TDRP: variants seen among roughly 807,000 people sequenced by gnomAD.
TDRP encodes the protein testis development related protein, also known as testis development-related protein.
Under a neutral mutation model 10.5 loss-of-function variants are expected in TDRP, and 12 were observed. That is an observed-to-expected ratio of 1.15 (90% CI 0.73 to 1.86). TDRP has a LOEUF of 1.86. Among genes scored for constraint, TDRP ranks in the 40% most tolerant of loss-of-function variants. The probability of loss-of-function intolerance (pLI) is 0.00; values close to 1 mark genes in which losing one functional copy is unlikely to be tolerated. For synonymous variants in TDRP, 139 were observed against 95.4 expected, an observed-to-expected ratio of 1.46 and a Z score of -2.67; for missense variants, 353 against 229.2, an observed-to-expected ratio of 1.54 and a Z score of -3.49.
chr8:540,434 A>G (rs1404502970), intron 1 of TDRP, among the ~76,000 whole-genome samples: 1 of 152,230 alleles, frequency 6.6e-6, no homozygotes, highest in African/African-American at 2.4e-5. Flanking sequence ...CAGATATACA[A>G]AAGAGCTTAA....
rs988483504 is a variant in TDRP at position 490,245 on chromosome 8, A to T, written c.*2154T>A. ...TATATTAAAAACCACAGTTAATTTA[A>T]TCAGGCACAGAAGAAAAAATCATTT... On this transcript the variant is annotated 3_prime_UTR_variant, in exon 3 of 3. Transcript: ENST00000324079. The T allele has an allele frequency of 3.3e-5, 5 of 152,264 alleles. No individual in the cohort carries two copies. The highest frequency in any genetic ancestry group is 6.5e-5 in the Admixed American group (1 of 15,292). The allele number at this position is 152,264 out of a possible 1,614,324, so 9.4% of individuals were successfully genotyped here.
intron 1 of TDRP, among the ~76,000 whole-genome samples, chr8:534,179 AT>A (rs1802283465): frequency 6.6e-6 from 1 of 152,250 alleles, no homozygotes; most frequent in Non-Finnish European, 1.5e-5. Context: ...AACACAAATT[AT>A]TTACAAGGTT....
chr8:493,752 T>G (rs1300988627), intron 2 of TDRP, among the ~76,000 whole-genome samples: 5 of 149,106 alleles, frequency 3.4e-5, no homozygotes, highest in African/African-American at 1.2e-4. Flanking sequence ...CTTTGTATTT[T>G]TAACAGTGTT....
chr8:519,399 T>C (rs1193988070), intron 1 of TDRP, among the ~76,000 whole-genome samples: 2 of 152,160 alleles, frequency 1.3e-5, no homozygotes, highest in East Asian at 1.9e-4. Context: ...ACCCCCACTT[T>C]AGAGTCAGCT....
chr8:491,442 G>A lies in TDRP; in HGVS notation c.*957C>T, dbSNP rs990962131. ...GTAAGCAGACAGAAAAAGAACGCGAGAGATGCTCTCAAACCGGTCGTCGAT... is the reference window on the plus strand; with the variant it reads ...GTAAGCAGACAGAAAAAGAACGCGAAAGATGCTCTCAAACCGGTCGTCGAT... On this transcript the variant is annotated 3_prime_UTR_variant, in exon 3 of 3. Coordinates refer to ENST00000324079, the MANE Select transcript of TDRP (RefSeq NM_001384899.1). 2 of 571,434 alleles carry A rather than the reference G, an allele frequency of 3.5e-6. No homozygotes were observed. Among genetic ancestry groups the A allele is most frequent in the Non-Finnish European group, 2.8e-6 (1 of 354,794 alleles). The allele number at this position is 571,434 out of a possible 1,614,324, so 35.4% of individuals were successfully genotyped here. A position where few individuals can be genotyped will look rare whatever the true frequency, so the allele number is the denominator to read the frequency against.
In TDRP at chr8:491,249, A is replaced by G. The variant is rs1180876285; in HGVS notation, c.*1150T>C. The G allele has an allele frequency of 2.3e-5, 4 of 172,476 alleles. No homozygotes were observed. The highest frequency in any genetic ancestry group is 9.4e-5 in the African/African-American group (4 of 42,478). 10.7% of individuals were successfully genotyped at this position (172,476 alleles called of 1,614,324 possible). A position where few individuals can be genotyped will look rare whatever the true frequency, so the allele number is the denominator to read the frequency against. ...TTGTTTTTACGTGAGGGGAATGCAC[A>G]GTGTAACTGGAGGTTTTATTTTACT... On this transcript the variant is annotated 3_prime_UTR_variant, in exon 3 of 3. Transcript: ENST00000324079.
In TDRP at chr8:518,941, G is replaced by A. The variant is rs117825735; in HGVS notation, c.109-24344C>T. ...AAAGTATTGGAATTTACTGCCTTTC[G>A]TACACTAATGAGATGACTGACAGGA... On this transcript the variant is annotated intron_variant, in intron 1 of 2. Transcript: ENST00000324079. Among the ~76,000 whole-genome samples, 773 of 152,200 alleles carry A rather than the reference G, an allele frequency of 5.1e-3. 2 individuals carry two copies. Among genetic ancestry groups the A allele is most frequent in the Non-Finnish European group, 9.1e-3 (621 of 68,008 alleles).
intron 1 of TDRP, among the ~76,000 whole-genome samples, chr8:517,750 T>C (rs936702728): frequency 6.6e-6 from 1 of 152,240 alleles, no homozygotes; most frequent in Non-Finnish European, 1.5e-5. Flanking sequence ...CCTGAGGCTA[T>C]ACAGCAAAAT....
intron 1 of TDRP, among the ~76,000 whole-genome samples, chr8:528,835 GT>G (rs1563129755): frequency 6.7e-6 from 1 of 149,872 alleles, no homozygotes; most frequent in Non-Finnish European, 1.5e-5. Context: ...GTGTATATAT[GT>G]GTGTGTATAT....
chr8:527,964 G>T (rs1254324440), intron 1 of TDRP, among the ~76,000 whole-genome samples: 1 of 152,018 alleles, frequency 6.6e-6, no homozygotes, highest in Non-Finnish European at 1.5e-5. Flanking sequence ...TCAACAAATG[G>T]AAAGGCAACA....
upstream of TDRP, chr8:545,632 C>T (rs1005839945): frequency 1.3e-5 from 2 of 152,110 alleles, no homozygotes; most frequent in African/African-American, 4.8e-5. Context: ...TTCAGGGCAT[C>T]CCTCGGGGCC....
At position 490,182 on chromosome 8, in the gene TDRP, A is replaced by G. The variant is rs1361686719; in HGVS notation, c.*2217T>C. On this transcript the variant is annotated 3_prime_UTR_variant, in exon 3 of 3. Coordinates refer to ENST00000324079, the MANE Select transcript of TDRP (RefSeq NM_001384899.1). ...TTTGCTTTGATAACTTCTTTCAAGA[A>G]AAGATAATTTTTCTCCCAAAGCACA... is the stretch of plus-strand genomic sequence containing the variant. 1 of 152,218 alleles carries G rather than the reference A, an allele frequency of 6.6e-6. No homozygotes were observed. Among genetic ancestry groups the G allele is most frequent in the African/African-American group, 2.4e-5 (1 of 41,446 alleles). The allele number at this position is 152,218 out of a possible 1,614,324, so 9.4% of individuals were successfully genotyped here.
chr8:516,986 C>T (rs1266394729), intron 1 of TDRP, among the ~76,000 whole-genome samples: 2 of 152,144 alleles, frequency 1.3e-5, no homozygotes, highest in Non-Finnish European at 2.9e-5. Flanking sequence ...TATAAACCAA[C>T]TAAAATTCTA....
At chr8:497,881 T>C (rs369003787) in intron 1 of TDRP, among the ~76,000 whole-genome samples, 9 of 152,314 alleles carry the variant, frequency 5.9e-5, no homozygotes, top group African/African-American at 1.7e-4. Context: ...GGCCAAGGTA[T>C]AGCTCCAGCC....
intron 1 of TDRP, among the ~76,000 whole-genome samples, chr8:532,238 T>G (rs115329660): frequency 3.3e-5 from 5 of 152,190 alleles, no homozygotes; most frequent in African/African-American, 1.2e-4. Context: ...TGCTCACATG[T>G]GGTGGCCAGC....
rs547656463 is a variant in TDRP at position 509,755 on chromosome 8, C to G, written c.109-15158G>C. Among the ~76,000 whole-genome samples, 18 of 152,326 alleles carry G rather than the reference C, an allele frequency of 1.2e-4. No individual in the cohort carries two copies. The East Asian group carries it at 2.9e-3, about 24-fold the overall frequency. ...CCTTGCTACTTAACGCAAATTTCTG[C>G]AGCTGGCTTGAATTTCTCCCCCAAA... On this transcript the variant is annotated intron_variant, in intron 1 of 2. Transcript: ENST00000324079.
At chr8:533,304 G>T (rs1288656488) in intron 1 of TDRP, among the ~76,000 whole-genome samples, 1 of 152,140 alleles carries the variant, frequency 6.6e-6, no homozygotes, top group Admixed American at 6.5e-5. Flanking sequence ...CACGTCCATC[G>T]CAGCCTCATT....
At chr8:504,245 T>G (rs552391079) in intron 1 of TDRP, among the ~76,000 whole-genome samples, 1 of 152,194 alleles carries the variant, frequency 6.6e-6, no homozygotes, top group South Asian at 2.1e-4. Context: ...AACATATCTT[T>G]TAAAAACAAA....
chr8:528,931 T>A (rs1255324250), intron 1 of TDRP, among the ~76,000 whole-genome samples: 5 of 152,144 alleles, frequency 3.3e-5, no homozygotes, highest in African/African-American at 4.8e-5. Flanking sequence ...GTCTGCAAGC[T>A]GAGGAGCAAG....
Sources: gnomAD v4.1 joint callset for allele counts (sites outside exome capture counted in the v4.1 genomes callset) on GRCh38, gnomAD v4.1.1 for gene constraint, MANE v1.5 for transcripts, NCBI Gene and HGNC (gene_info 2026-07-23, HGNC 2026-07-21) for gene names.